SLC25A48: variants seen among roughly 807,000 people sequenced by gnomAD.
The protein encoded by SLC25A48 is CTC-321K16.1.
Under a neutral mutation model 32.2 loss-of-function variants are expected in SLC25A48, and 29 were observed. The observed-to-expected ratio is 0.90, with a 90% confidence interval of 0.67 to 1.23. The LOEUF is 1.23. Ranked by LOEUF, SLC25A48 falls within the 50% of genes most tolerant of loss-of-function variation. SLC25A48 has a pLI of 0.00. For missense variants in SLC25A48, 399 were observed against 422.7 expected, an observed-to-expected ratio of 0.94 and a Z score of 0.49; for synonymous variants, 164 against 172.3, an observed-to-expected ratio of 0.95 and a Z score of 0.38.
intron 1 of SLC25A48, among the ~76,000 whole-genome samples, chr5:135,607,870 A>G (rs1380592261): frequency 6.6e-6 from 1 of 152,130 alleles, no homozygotes; most frequent in Non-Finnish European, 1.5e-5. Context: ...TGACATCAGG[A>G]GATTTGAGTT....
upstream of SLC25A48, chr5:135,834,599 T>C: frequency 2.1e-6 from 1 of 483,128 alleles, no homozygotes; most frequent in East Asian, 3.3e-5. Context: ...GAGCGCACCC[T>C]TATCCACCCA....
At chr5:135,762,415 G>A (rs1216978924) in intron 3 of SLC25A48, among the ~76,000 whole-genome samples, 1 of 152,124 alleles carries the variant, frequency 6.6e-6, no homozygotes, top group Non-Finnish European at 1.5e-5. Context: ...GATTTTCCAG[G>A]TGTGCTCTTG....
intron 3 of SLC25A48, chr5:135,742,439 G>C (rs747527462): frequency 1.3e-6 from 2 of 1,486,178 alleles, no homozygotes; most frequent in Non-Finnish European, 1.8e-6. Context: ...ATCTCCCAGT[G>C]GTTCCTGAGG....
At chr5:135,600,752 G>A (rs891747769) in intron 1 of SLC25A48, among the ~76,000 whole-genome samples, 6 of 151,584 alleles carry the variant, frequency 4.0e-5, no homozygotes, top group Non-Finnish European at 7.4e-5. Context: ...GTGCAATCTC[G>A]GCTCACTGCA....
intron 4 of SLC25A48, among the ~76,000 whole-genome samples, chr5:135,865,627 A>G (rs1761127854): frequency 6.6e-6 from 1 of 152,162 alleles, no homozygotes; most frequent in Non-Finnish European, 1.5e-5. Flanking sequence ...ATGCTGAGAT[A>G]TATATGGGAC....
intron 3 of SLC25A48, chr5:135,653,699 A>T (rs1214048478): frequency 9.6e-6 from 4 of 416,506 alleles, no homozygotes; most frequent in Middle Eastern, 4.3e-4. Context: ...CATAAGACAG[A>T]CCAATCTCCA....
chr5:135,615,701 C>T (rs1283562801), intron 1 of SLC25A48, among the ~76,000 whole-genome samples: 6 of 151,852 alleles, frequency 4.0e-5, no homozygotes, highest in Non-Finnish European at 8.8e-5. Context: ...GCATAGTTTG[C>T]ATAACTGAAG....
At position 135,690,820 on chromosome 5, in the gene SLC25A48, C is replaced by T. The variant is rs181958107; in HGVS notation, c.-521+55864C>T. Among the ~76,000 whole-genome samples, 32 of 152,254 alleles carry T rather than the reference C, an allele frequency of 2.1e-4. No homozygotes were observed. The East Asian group carries it at 4.4e-3, about 21-fold the overall frequency. ...CTTACTCTGTGCTGGCTTTGGAAGG[C>T]GGAGTGTGGGGCCCAAGAGGCCCCA... On this transcript the variant is annotated intron_variant, in intron 3 of 10. Coordinates refer to the SLC25A48 transcript ENST00000646290.
At chr5:135,596,464 C>T (rs1018906) in intron 1 of SLC25A48, among the ~76,000 whole-genome samples, 9,343 of 152,230 alleles carry the variant, frequency 0.061, 971 homozygotes, top group African/African-American at 0.21. Context: ...TGTCCCCATA[C>T]CTGTCAAGAC....
intron 4 of SLC25A48, among the ~76,000 whole-genome samples, chr5:135,816,787 A>G (rs754959199): frequency 1.3e-5 from 2 of 152,244 alleles, no homozygotes; most frequent in Non-Finnish European, 2.9e-5. Flanking sequence ...CAGAAAACAC[A>G]GGACAATGAT....
At chr5:135,786,972 G>A (rs949193566) in intron 3 of SLC25A48, among the ~76,000 whole-genome samples, 1 of 152,048 alleles carries the variant, frequency 6.6e-6, no homozygotes, top group African/African-American at 2.4e-5. Context: ...GTCACAGTGT[G>A]TGTACACTAT....
intron 1 of SLC25A48, among the ~76,000 whole-genome samples, chr5:135,604,769 A>G (rs1305946313): frequency 6.6e-6 from 1 of 152,200 alleles, no homozygotes; most frequent in Non-Finnish European, 1.5e-5. Context: ...ACGGAGTCAT[A>G]AAAGGTCAGG....
chr5:135,857,408 G>A (rs1760417047), intron 4 of SLC25A48, among the ~76,000 whole-genome samples: 1 of 152,220 alleles, frequency 6.6e-6, no homozygotes. Context: ...ACCATTAGCA[G>A]CTGCCAATGT....
At chr5:135,700,371 C>CAA (rs34125451) in intron 3 of SLC25A48, among the ~76,000 whole-genome samples, 15,477 of 67,956 alleles carry the variant, frequency 0.23, 3,126 homozygotes, top group Middle Eastern at 0.28. Flanking sequence ...GACTCTGTCT[C>CAA]AAAAAAAAAA....
At chr5:135,849,599 A>C (rs1561530834) in intron 2 of SLC25A48, among the ~76,000 whole-genome samples, 1 of 152,218 alleles carries the variant, frequency 6.6e-6, no homozygotes, top group Non-Finnish European at 1.5e-5. Context: ...TGGGGATGGA[A>C]GGAAAGTAAC....
intron 3 of SLC25A48, among the ~76,000 whole-genome samples, chr5:135,702,458 G>A (rs1466132837): frequency 6.6e-6 from 1 of 152,232 alleles, no homozygotes; most frequent in African/African-American, 2.4e-5. Context: ...GGTGGGAAGA[G>A]GCAAGAGCGG....
At chr5:135,634,402 A>G (rs966332418) in intron 2 of SLC25A48, among the ~76,000 whole-genome samples, 19 of 152,204 alleles carry the variant, frequency 1.2e-4, no homozygotes, top group African/African-American at 4.3e-4. Context: ...GTTCTGGCTA[A>G]TGGCCAATCA....
intron 3 of SLC25A48, among the ~76,000 whole-genome samples, chr5:135,665,493 G>A (rs34222682): frequency 4.6e-5 from 7 of 151,890 alleles, no homozygotes; most frequent in African/African-American, 1.7e-4. Context: ...TGGGGTCTTA[G>A]TCATGAATTC....
intron 3 of SLC25A48, among the ~76,000 whole-genome samples, chr5:135,694,327 G>T (rs1754218458): frequency 6.6e-6 from 1 of 152,220 alleles, no homozygotes; most frequent in African/African-American, 2.4e-5. Context: ...TGTGGAGGGA[G>T]GGCTGCAGAG....
Sources: gnomAD v4.1 joint callset for allele counts (sites outside exome capture counted in the v4.1 genomes callset) on GRCh38, gnomAD v4.1.1 for gene constraint, MANE v1.5 for transcripts, NCBI Gene and HGNC (gene_info 2026-07-23, HGNC 2026-07-21) for gene names.